PPARGC1A: variants seen among roughly 807,000 people sequenced by gnomAD.
The protein encoded by PPARGC1A is PPARG coactivator 1 alpha, also known as peroxisome proliferator-activated receptor gamma coactivator 1-alpha.
Under a neutral mutation model 88.7 loss-of-function variants are expected in PPARGC1A, and 25 were observed. That is an observed-to-expected ratio of 0.28 (90% confidence interval 0.21 to 0.39). The LOEUF (loss-of-function observed/expected upper bound fraction) is 0.39, where lower values mean the gene tolerates loss of function less well. PPARGC1A is among the 10% of genes least tolerant of loss of function. The pLI, the probability that PPARGC1A is intolerant of heterozygous loss-of-function variation, is 1.00. For missense variants in PPARGC1A, 880 were observed against 968.7 expected (o/e 0.91, Z 1.22); for synonymous variants, 363 against 355.6 (o/e 1.02, Z -0.24).
the PPARGC1A span, among the ~76,000 whole-genome samples, chr4:24,351,360 G>C: frequency 1.4e-5 from 2 of 148,010 alleles, no homozygotes; most frequent in African/African-American, 5.0e-5. Flanking sequence ...TCACACCACT[G>C]TTCCAGCTTG....
At chr4:24,309,405 G>A in the PPARGC1A span, among the ~76,000 whole-genome samples, 1 of 152,150 alleles carries the variant, frequency 6.6e-6, no homozygotes, top group African/African-American at 2.4e-5. Context: ...CATCAAGGGG[G>A]ATAGTGTGAC....
the PPARGC1A span, among the ~76,000 whole-genome samples, chr4:24,413,537 T>C: frequency 3.3e-5 from 5 of 151,522 alleles, no homozygotes; most frequent in Non-Finnish European, 7.4e-5. Flanking sequence ...GTCGCCGAAA[T>C]AATTAATTTA....
At chr4:23,885,763 T>G (rs1716771158) in intron 1 of PPARGC1A, among the ~76,000 whole-genome samples, 1 of 152,212 alleles carries the variant, frequency 6.6e-6, no homozygotes, top group Admixed American at 6.5e-5. Context: ...GTTCATTATT[T>G]ATGTATATCT....
At chr4:23,878,449 C>T (rs935917822) in intron 2 of PPARGC1A, among the ~76,000 whole-genome samples, 5 of 151,808 alleles carry the variant, frequency 3.3e-5, no homozygotes, top group East Asian at 1.9e-4. Context: ...AAGATGGTCA[C>T]GTAACCTGCA....
the PPARGC1A span, among the ~76,000 whole-genome samples, chr4:24,341,835 G>A: frequency 1.3e-5 from 2 of 152,140 alleles, no homozygotes; most frequent in African/African-American, 2.4e-5. Context: ...AAAGTGTCTC[G>A]CTCACAGAAG....
the PPARGC1A span, among the ~76,000 whole-genome samples, chr4:24,420,268 C>T: frequency 6.6e-5 from 10 of 152,208 alleles, no homozygotes; most frequent in African/African-American, 2.4e-4. Context: ...AGAAAGTGTG[C>T]ACCGCTGCTA....
chr4:24,412,227 G>A, the PPARGC1A span, among the ~76,000 whole-genome samples: 48,116 of 151,894 alleles, frequency 0.32, 8,044 homozygotes, highest in Admixed American at 0.4. Flanking sequence ...TCCAGCCTCC[G>A]AGTGAAATGA....
chr4:24,201,745 A>G, the PPARGC1A span, among the ~76,000 whole-genome samples: 1 of 152,234 alleles, frequency 6.6e-6, no homozygotes, highest in Non-Finnish European at 1.5e-5. Flanking sequence ...ACCTTCATAA[A>G]CATATATAAT....
At chr4:24,245,656 T>G in the PPARGC1A span, among the ~76,000 whole-genome samples, 1 of 152,176 alleles carries the variant, frequency 6.6e-6, no homozygotes, top group African/African-American at 2.4e-5. Context: ...CCTGCCAGCT[T>G]GCATAGACTA....
At chr4:23,801,356 A>T (rs1434281093) in intron 12 of PPARGC1A, among the ~76,000 whole-genome samples, 1 of 151,064 alleles carries the variant, frequency 6.6e-6, no homozygotes, top group Admixed American at 6.6e-5. Context: ...CACACAACAC[A>T]CACAGACACA....
the PPARGC1A span, among the ~76,000 whole-genome samples, chr4:24,176,112 C>T: frequency 0.06 from 9,133 of 152,220 alleles, 337 homozygotes; most frequent in South Asian, 0.15. Flanking sequence ...TTTAGACCAG[C>T]GTATGGTTAA....
intron 7 of PPARGC1A, among the ~76,000 whole-genome samples, chr4:23,820,276 G>T (rs550318153): frequency 6.6e-6 from 1 of 152,128 alleles, no homozygotes; most frequent in South Asian, 2.1e-4. Flanking sequence ...AATTATGAAG[G>T]CCTACTTGTT....
At chr4:24,353,121 C>G in the PPARGC1A span, among the ~76,000 whole-genome samples, 2 of 151,838 alleles carry the variant, frequency 1.3e-5, no homozygotes, top group Admixed American at 1.3e-4. Flanking sequence ...TGCCAGCAAT[C>G]GAACCAAAAT....
chr4:24,070,599 T>C, the PPARGC1A span, among the ~76,000 whole-genome samples: 1 of 152,118 alleles, frequency 6.6e-6, no homozygotes, highest in Non-Finnish European at 1.5e-5. Flanking sequence ...AAGTGGCAAT[T>C]CATCTCTAGA....
At chr4:24,115,663 T>C in the PPARGC1A span, among the ~76,000 whole-genome samples, 4 of 152,174 alleles carry the variant, frequency 2.6e-5, no homozygotes, top group African/African-American at 7.2e-5. Context: ...GAACTCCATA[T>C]GGCTACCAGA....
At chr4:24,236,077 C>T in the PPARGC1A span, among the ~76,000 whole-genome samples, 26 of 152,172 alleles carry the variant, frequency 1.7e-4, no homozygotes, top group Admixed American at 1.6e-3. Context: ...GGCATATCAA[C>T]CAAATCAAAG....
chr4:23,889,855 G>A, intron 1 of PPARGC1A, 49 bp downstream of exon 1: 1 of 1,600,908 alleles, frequency 6.2e-7, no homozygotes. Flanking sequence ...AATAGCATCT[G>A]AGGGAAGCGT....
chr4:23,852,963 G>A (rs1255911361), intron 2 of PPARGC1A, among the ~76,000 whole-genome samples: 1 of 152,140 alleles, frequency 6.6e-6, no homozygotes, highest in African/African-American at 2.4e-5. Context: ...TCTTTTGCAG[G>A]TTAACAGGAT....
At chr4:24,197,410 A>G in the PPARGC1A span, among the ~76,000 whole-genome samples, 2 of 152,222 alleles carry the variant, frequency 1.3e-5, no homozygotes, top group African/African-American at 4.8e-5. Flanking sequence ...GGGATTATTC[A>G]TTCCTGAATT....
Sources: allele counts gnomAD v4.1 joint callset (sites outside exome capture counted in the v4.1 genomes callset), GRCh38; gene constraint gnomAD v4.1.1; transcripts MANE v1.5; gene names NCBI Gene and HGNC (gene_info 2026-07-23, HGNC 2026-07-21).